The following ANKRD11 variants were observed in gnomAD, a reference collection of about 807,000 sequenced individuals.
The protein encoded by ANKRD11 is ankyrin repeat domain 11.
A neutral mutation model predicts 195.7 loss-of-function variants in ANKRD11; 17 were observed. That is an observed-to-expected ratio of 0.09 (90% CI 0.06 to 0.13). The LOEUF (loss-of-function observed/expected upper bound fraction) is 0.13. Among genes scored for constraint, ANKRD11 ranks in the 10% least tolerant of loss-of-function variants. The pLI is 1.00. For missense variants in ANKRD11, 3,735 were observed against 3,566.1 expected (o/e 1.05, Z -1.21); for synonymous variants, 1,953 against 1,528.1 (o/e 1.28, Z -6.49).
At chr16:89,450,838 A>G (rs2044037981) in intron 1 of ANKRD11, among the ~76,000 whole-genome samples, 2 of 152,080 alleles carry the variant, frequency 1.3e-5, no homozygotes, top group African/African-American at 4.8e-5. Context: ...ATTTAATATC[A>G]CACAGAAACT....
At chr16:89,488,450 C>T (rs184346436) in intron 1 of ANKRD11, among the ~76,000 whole-genome samples, 7 of 151,406 alleles carry the variant, frequency 4.6e-5, no homozygotes, top group Admixed American at 1.3e-4. Flanking sequence ...GCCCCCCCCC[C>T]TTTTTTTCTA....
At position 89,280,814 on chromosome 16, in the gene ANKRD11, C is replaced by G; in HGVS notation, c.5728G>C (p.Asp1910His). 1 of 1,604,198 alleles carries G rather than the reference C, an allele frequency of 6.2e-7. No individual in the cohort carries two copies. Among genetic ancestry groups the G allele is most frequent in the East Asian group, 2.2e-5 (1 of 44,578 alleles). The stretch of plus-strand genomic sequence containing the variant: ...TGCTGGTCCTCGGAGGTGTCCAGGT[C>G]CGGGGGAAGGGCCCCTTCGAGGGAA... ...VPSLEGALPPDLDTSEDQQAT... is the reference protein window; with the variant it reads ...VPSLEGALPPHLDTSEDQQAT... Residue 1910 changes from aspartate to histidine, a missense_variant, in exon 9 of 13, where the codon GAC (aspartate) becomes CAC (histidine). Physicochemically the swap from Asp to His is moderately conservative, Grantham distance 81 (BLOSUM62 -1). Transcript: ENST00000301030.
chr16:89,389,826 G>A (rs1036741983), intron 2 of ANKRD11, among the ~76,000 whole-genome samples: 1 of 142,384 alleles, frequency 7.0e-6, no homozygotes, highest in Non-Finnish European at 1.5e-5. Flanking sequence ...GATCACTAGG[G>A]CAAACACCGA....
At chr16:89,479,814 G>A (rs2057382844) in intron 1 of ANKRD11, among the ~76,000 whole-genome samples, 1 of 150,838 alleles carries the variant, frequency 6.6e-6, no homozygotes, top group African/African-American at 2.4e-5. Context: ...GTGGTGGCAG[G>A]TGCCTGTAGT....
intron 1 of ANKRD11, among the ~76,000 whole-genome samples, chr16:89,480,234 T>A (rs1054963851): frequency 3.9e-5 from 6 of 152,100 alleles, no homozygotes; most frequent in Non-Finnish European, 8.8e-5. Context: ...CCCAGCACTT[T>A]GAGAGGCCAA....
In ANKRD11 at chr16:89,284,560, T is replaced by C; in HGVS notation, c.1982A>G (p.Tyr661Cys). The change falls in exon 9 of 13, where the codon TAT (tyrosine) becomes TGT (cysteine). Residue 661 changes from tyrosine (Y) to cysteine (C), a missense_variant. Physicochemically the swap from Tyr to Cys is radical, Grantham distance 194. Transcript: ENST00000301030. ...ELKLKSFTYE[Y>C]EDSKQKSDKA... is the part of the protein sequence containing the mutation. The stretch of plus-strand genomic sequence containing the variant: ...ATCTGACTTCTGCTTGGAGTCCTCA[T>C]ATTCGTAAGTAAAACTTTTCAACTT... The C allele has an allele frequency of 6.2e-7, 1 of 1,614,184 alleles. No homozygotes were observed. The highest frequency in any genetic ancestry group is 8.5e-7 in the Non-Finnish European group (1 of 1,180,042).
At chr16:89,452,556 C>A (rs534306008) in intron 1 of ANKRD11, among the ~76,000 whole-genome samples, 110 of 151,978 alleles carry the variant, frequency 7.2e-4, no homozygotes, top group Non-Finnish European at 1.4e-3. Context: ...GCGGGTGGAT[C>A]ACCTGAGGTC....
At chr16:89,341,260 T>C (rs999342092) in intron 2 of ANKRD11, among the ~76,000 whole-genome samples, 5 of 152,302 alleles carry the variant, frequency 3.3e-5, no homozygotes, top group Admixed American at 3.3e-4. Context: ...TTGGAAACAA[T>C]GCTGTGGGTC....
At chr16:89,485,707 A>C (rs1406444312) in intron 1 of ANKRD11, among the ~76,000 whole-genome samples, 1 of 152,200 alleles carries the variant, frequency 6.6e-6, no homozygotes, top group African/African-American at 2.4e-5. Flanking sequence ...GAAACTTTGA[A>C]AACCTAAACA....
At chr16:89,392,150 A>G (rs2041227209) in intron 2 of ANKRD11, among the ~76,000 whole-genome samples, 1 of 152,242 alleles carries the variant, frequency 6.6e-6, no homozygotes, top group Admixed American at 6.5e-5. Flanking sequence ...GGTATAAAAA[A>G]ACCGGACACA....
intron 2 of ANKRD11, among the ~76,000 whole-genome samples, chr16:89,334,697 C>G (rs2038256908): frequency 6.6e-6 from 1 of 152,094 alleles, no homozygotes; most frequent in Non-Finnish European, 1.5e-5. Flanking sequence ...CCCAGGCACA[C>G]CCCAGGGATG....
chr16:89,349,210 G>A (rs575798150), intron 2 of ANKRD11, among the ~76,000 whole-genome samples: 13 of 136,448 alleles, frequency 9.5e-5, no homozygotes, highest in South Asian at 2.4e-4. Flanking sequence ...CAAAAGAATC[G>A]ATAAATAGAA....
In ANKRD11 at chr16:89,282,798, G is replaced by C; in HGVS notation, c.3744C>G (p.Ala1248=). The change falls in exon 9 of 13, where the codon GCC becomes GCG. Residue 1248 remains alanine, a synonymous_variant. Coordinates refer to ENST00000301030, the MANE Select transcript of ANKRD11 (RefSeq NM_013275.6). ...LPEKAEKKHA[A]EDKAKSKHKE... is the part of the protein sequence containing the mutation. Reference sequence around the variant, plus strand: ...TGTGTTTGCTTTTAGCCTTGTCTTCGGCAGCGTGCTTCTTTTCAGCCTTCT... The same window carrying C: ...TGTGTTTGCTTTTAGCCTTGTCTTCCGCAGCGTGCTTCTTTTCAGCCTTCT... The C allele has an allele frequency of 2.5e-6, 4 of 1,610,978 alleles. No homozygotes were observed. Among genetic ancestry groups the C allele is most frequent in the Non-Finnish European group, 3.4e-6 (4 of 1,179,884 alleles).
chr16:89,460,972 C>A (rs1451761650), intron 1 of ANKRD11, among the ~76,000 whole-genome samples: 10 of 92,130 alleles, frequency 1.1e-4, no homozygotes, highest in East Asian at 8.0e-4. Context: ...TCGTATGACC[C>A]CCCCCCCCAA....
intron 2 of ANKRD11, among the ~76,000 whole-genome samples, chr16:89,336,318 G>A (rs903078080): frequency 7.9e-5 from 12 of 152,230 alleles, no homozygotes; most frequent in Admixed American, 2.6e-4. Flanking sequence ...GCCAGGGCAC[G>A]CAACTGCCCG....
intron 2 of ANKRD11, among the ~76,000 whole-genome samples, chr16:89,339,561 G>A (rs1485977350): frequency 6.6e-6 from 1 of 152,090 alleles, no homozygotes; most frequent in Non-Finnish European, 1.5e-5. Flanking sequence ...AATTTATTTA[G>A]AATGGGTTAT....
intron 2 of ANKRD11, among the ~76,000 whole-genome samples, chr16:89,358,615 T>A (rs1026787981): frequency 6.6e-6 from 1 of 152,080 alleles, no homozygotes; most frequent in Non-Finnish European, 1.5e-5. Flanking sequence ...AAATAATAAT[T>A]AATAAATAAA....
At chr16:89,469,388 A>AT (rs1380611753) in intron 1 of ANKRD11, among the ~76,000 whole-genome samples, 3 of 151,838 alleles carry the variant, frequency 2.0e-5, no homozygotes, top group East Asian at 3.9e-4. Flanking sequence ...CGTCCAGCTA[A>AT]TTTTTTTGCA....
chr16:89,334,174 C>CAGAG (rs1159181558), intron 2 of ANKRD11, among the ~76,000 whole-genome samples: 1 of 74,774 alleles, frequency 1.3e-5, no homozygotes. Context: ...AAAAAAAAAA[C>CAGAG]AGAGAGAGAG....
Sources: allele counts gnomAD v4.1 joint callset (sites outside exome capture counted in the v4.1 genomes callset), GRCh38; gene constraint gnomAD v4.1.1; transcripts MANE v1.5; gene names NCBI Gene and HGNC (gene_info 2026-07-23, HGNC 2026-07-21).